AGBL4: variants seen among roughly 807,000 people sequenced by gnomAD.
AGBL4 encodes cytosolic carboxypeptidase 6.
A neutral mutation model predicts 66.4 loss-of-function variants in AGBL4; 58 were observed. The observed-to-expected ratio is 0.87, with a 90% CI of 0.71 to 1.09. The LOEUF is 1.09. Among genes scored for constraint, AGBL4 ranks in the 50% least tolerant of loss-of-function variants. The pLI is 0.00. For synonymous variants in AGBL4, 234 were observed against 222.9 expected (o/e 1.05, Z -0.44); for missense variants, 579 against 631.0 (o/e 0.92, Z 0.88).
intron 5 of AGBL4, among the ~76,000 whole-genome samples, chr1:48,913,544 C>A (rs1188968096): frequency 6.6e-6 from 1 of 152,130 alleles, no homozygotes; most frequent in Non-Finnish European, 1.5e-5. Flanking sequence ...CTATTGTGAA[C>A]TGCACATGTG....
intron 11 of AGBL4, among the ~76,000 whole-genome samples, chr1:48,570,368 G>A (rs963801008): frequency 6.6e-6 from 1 of 152,198 alleles, no homozygotes; most frequent in Non-Finnish European, 1.5e-5. Flanking sequence ...TCTTTGAGGA[G>A]CAGTAGGGGC....
chr1:49,146,682 T>C (rs914240392), intron 4 of AGBL4, among the ~76,000 whole-genome samples: 40 of 152,330 alleles, frequency 2.6e-4, no homozygotes, highest in African/African-American at 8.9e-4. Flanking sequence ...ACATGCACCA[T>C]TGTCCTGAGC....
intron 2 of AGBL4, among the ~76,000 whole-genome samples, chr1:49,786,323 AT>A (rs1644454181): frequency 6.6e-6 from 1 of 152,100 alleles, no homozygotes. Context: ...GCATAATACA[AT>A]TATCTCACAA....
In AGBL4 at chr1:49,679,994, G is replaced by GT. The variant is rs201108830; in HGVS notation, c.282+17318dup. Among the ~76,000 whole-genome samples the GT allele has an allele frequency of 6.2e-3, 743 of 120,668 alleles. 4 individuals are homozygous for GT. The highest frequency in any genetic ancestry group is 0.01 in the Middle Eastern group (2 of 200). The allele number at this position is 120,668 out of a possible 152,430, so 79.2% of individuals were successfully genotyped here. ...CAGAGTAGAAGAAACAATATTTTCT[G>GT]TTTTTTTTTAAATTCATTCATGATG... On this transcript the variant is annotated intron_variant, in intron 3 of 13. Transcript: ENST00000371839.
At chr1:48,787,044 C>T (rs1645426094) in intron 6 of AGBL4, among the ~76,000 whole-genome samples, 1 of 152,056 alleles carries the variant, frequency 6.6e-6, no homozygotes, top group Non-Finnish European at 1.5e-5. Context: ...TTATTATTAG[C>T]CTCATTTTAA....
intron 3 of AGBL4, among the ~76,000 whole-genome samples, chr1:49,260,479 A>G (rs1357629255): frequency 6.6e-6 from 1 of 152,160 alleles, no homozygotes; most frequent in Non-Finnish European, 1.5e-5. Context: ...AGGGGATATC[A>G]CCACCGATCC....
At chr1:49,904,174 G>A (rs1328980091) in intron 1 of AGBL4, among the ~76,000 whole-genome samples, 6 of 151,972 alleles carry the variant, frequency 3.9e-5, no homozygotes, top group Non-Finnish European at 7.4e-5. Flanking sequence ...TCACCTTAGG[G>A]AAATATAAAT....
chr1:49,445,624 C>T (rs1646137405), intron 3 of AGBL4, among the ~76,000 whole-genome samples: 2 of 151,820 alleles, frequency 1.3e-5, no homozygotes, highest in African/African-American at 4.8e-5. Flanking sequence ...GAGATTCTTT[C>T]TTTTGTCTTA....
the AGBL4 span, among the ~76,000 whole-genome samples, chr1:48,523,554 C>T: frequency 6.6e-6 from 1 of 152,134 alleles, no homozygotes; most frequent in Non-Finnish European, 1.5e-5. Context: ...ACCACATGGC[C>T]TCCCTAAGGA....
In AGBL4 at chr1:49,409,149, G is replaced by GCT. The variant is rs373757168; in HGVS notation, c.283-163287_283-163286dup. Among the ~76,000 whole-genome samples, 151 of 146,030 alleles carry GCT rather than the reference G, an allele frequency of 1.0e-3. 1 individual carries two copies. Among genetic ancestry groups the GCT allele is most frequent in the African/African-American group, 1.7e-3 (67 of 39,484 alleles). On this transcript the variant is annotated intron_variant, in intron 3 of 13. Coordinates refer to ENST00000371839, the MANE Select transcript of AGBL4 (RefSeq NM_032785.4). ...TCTCCATCAAACCCCACTCTCTCTGGCTCTCTCTCTCTCTCTCTCTCTCAT... is the reference window on the plus strand; with the variant it reads ...TCTCCATCAAACCCCACTCTCTCTGGCTCTCTCTCTCTCTCTCTCTCTCTCAT...
chr1:49,708,328 T>C (rs1321860198), intron 2 of AGBL4, among the ~76,000 whole-genome samples: 1 of 151,944 alleles, frequency 6.6e-6, no homozygotes, highest in East Asian at 1.9e-4. Context: ...ATATACTTTC[T>C]TCTGCTTGAT....
chr1:49,648,190 T>C (rs1645929469), intron 3 of AGBL4, among the ~76,000 whole-genome samples: 1 of 152,014 alleles, frequency 6.6e-6, no homozygotes, highest in Non-Finnish European at 1.5e-5. Flanking sequence ...AAAGAAATTC[T>C]AGGGATTTAA....
intron 3 of AGBL4, among the ~76,000 whole-genome samples, chr1:49,634,947 G>T (rs1396602038): frequency 6.6e-6 from 1 of 152,176 alleles, no homozygotes; most frequent in Non-Finnish European, 1.5e-5. Flanking sequence ...GAATTTGATG[G>T]TCTAAAATTC....
At chr1:49,142,604 CCTT>C (rs1313177653) in intron 4 of AGBL4, among the ~76,000 whole-genome samples, 2 of 152,166 alleles carry the variant, frequency 1.3e-5, no homozygotes, top group East Asian at 3.9e-4. Context: ...ATTTTCTTTC[CCTT>C]CTTTTCTCCT....
chr1:49,570,418 C>G (rs940562872), intron 3 of AGBL4, among the ~76,000 whole-genome samples: 2 of 151,998 alleles, frequency 1.3e-5, no homozygotes, highest in African/African-American at 4.8e-5. Context: ...ATGTCCTTTG[C>G]CCACTTTTTA....
chr1:48,992,529 G>T (rs1660677986), intron 5 of AGBL4, among the ~76,000 whole-genome samples: 1 of 152,064 alleles, frequency 6.6e-6, no homozygotes. Context: ...ACAATCAGCA[G>T]GCGGCAAGGC....
chr1:49,288,220 G>A (rs1286408640), intron 3 of AGBL4, among the ~76,000 whole-genome samples: 1 of 117,242 alleles, frequency 8.5e-6, no homozygotes, highest in Admixed American at 9.5e-5. Flanking sequence ...GTGGTGGGGT[G>A]GGGGGAGGGG....
At chr1:49,760,664 T>C (rs762313200) in intron 2 of AGBL4, among the ~76,000 whole-genome samples, 5 of 152,160 alleles carry the variant, frequency 3.3e-5, no homozygotes, top group African/African-American at 4.8e-5. Context: ...AGGAATCCCA[T>C]TACTGGGTAT....
intron 3 of AGBL4, among the ~76,000 whole-genome samples, chr1:49,466,540 G>T (rs956535364): frequency 1.3e-5 from 2 of 151,788 alleles, no homozygotes; most frequent in African/African-American, 4.8e-5. Context: ...TAATTAAAAT[G>T]CAATTGCCAT....
Sources: gnomAD v4.1 joint callset for allele counts (sites outside exome capture counted in the v4.1 genomes callset) on GRCh38, gnomAD v4.1.1 for gene constraint, MANE v1.5 for transcripts, NCBI Gene and HGNC (gene_info 2026-07-23, HGNC 2026-07-21) for gene names.